Variants in ADGRG5 observed in about 807,000 individuals in gnomAD.
ADGRG5 encodes the protein G protein-coupled receptor 114.
A neutral mutation model predicts 53.2 loss-of-function variants in ADGRG5; 37 were observed. That is an observed-to-expected ratio of 0.70 (90% CI 0.53 to 0.91). The LOEUF (loss-of-function observed/expected upper bound fraction) is 0.91. Ranked by LOEUF, ADGRG5 falls within the 40% of genes least tolerant of loss-of-function variation. The pLI is 0.00. For synonymous variants in ADGRG5, 277 were observed against 290.4 expected (o/e 0.95, Z 0.47); for missense variants, 614 against 675.8 (o/e 0.91, Z 1.01).
chr16:57,569,076 C>G (rs1361403940), intron 9 of ADGRG5, among the ~76,000 whole-genome samples: 1 of 150,888 alleles, frequency 6.6e-6, no homozygotes, highest in African/African-American at 2.4e-5. Context: ...CCTCCACCTT[C>G]ATCACCACCA....
intron 10 of ADGRG5, among the ~76,000 whole-genome samples, chr16:57,572,686 G>T (rs556119189): frequency 2.0e-5 from 3 of 152,174 alleles, no homozygotes; most frequent in Non-Finnish European, 2.9e-5. Context: ...GCGAGACTCC[G>T]TCTCAAAAAA....
At chr16:57,566,133 C>T (rs1276244995) in intron 6 of ADGRG5, 1 of 154,194 alleles carries the variant, frequency 6.5e-6, no homozygotes, top group Non-Finnish European at 1.4e-5. Context: ...CTACCTGTGT[C>T]ATTTCCTCCA....
At chr16:57,552,389 A>G (rs2032776246) in intron 1 of ADGRG5, among the ~76,000 whole-genome samples, 1 of 152,204 alleles carries the variant, frequency 6.6e-6, no homozygotes. Flanking sequence ...ACCCTCATGC[A>G]TGATGTTAGC....
At chr16:57,548,450 A>G (rs1205277852) in intron 1 of ADGRG5, among the ~76,000 whole-genome samples, 1 of 152,162 alleles carries the variant, frequency 6.6e-6, no homozygotes, top group East Asian at 1.9e-4. Context: ...TTCTTTGGTA[A>G]GTATATTTTA....
intron 10 of ADGRG5, among the ~76,000 whole-genome samples, chr16:57,572,255 C>T (rs2033383937): frequency 6.6e-6 from 1 of 152,102 alleles, no homozygotes; most frequent in Admixed American, 6.5e-5. Flanking sequence ...GTAGGCAGAT[C>T]ATGAGGTCAG....
chr16:57,542,070 A>C (rs1351083818), upstream of ADGRG5, among the ~76,000 whole-genome samples: 4 of 152,144 alleles, frequency 2.6e-5, no homozygotes, highest in South Asian at 2.1e-4. Context: ...TGTAAGCCCC[A>C]CACTGCCCTG....
chr16:57,571,353 G>A (rs2146834116), intron 10 of ADGRG5, among the ~76,000 whole-genome samples: 1 of 152,188 alleles, frequency 6.6e-6, no homozygotes, highest in South Asian at 2.1e-4. Flanking sequence ...AACTCTACCT[G>A]AGGAGCCCTA....
intron 3 of ADGRG5, 135 bp from the exon 4 acceptor site, chr16:57,562,956 G>A: frequency 4.0e-6 from 3 of 753,406 alleles, no homozygotes; most frequent in Non-Finnish European, 6.8e-6. Context: ...AGGACACTGT[G>A]TGTGCAGTGG....
At chr16:57,536,156 T>C in the ADGRG5 span, among the ~76,000 whole-genome samples, 3 of 151,702 alleles carry the variant, frequency 2.0e-5, no homozygotes, top group Non-Finnish European at 4.4e-5. Flanking sequence ...GCATTCGCCA[T>C]GGCGACCACG....
At chr16:57,564,312 ATTTTTTT>A (rs5817100) in intron 5 of ADGRG5, among the ~76,000 whole-genome samples, 1 of 139,756 alleles carries the variant, frequency 7.2e-6, no homozygotes, top group Non-Finnish European at 1.6e-5. Context: ...GACCTTACAG[ATTTTTTT>A]TTTTTTTTTT....
In ADGRG5 at chr16:57,542,645, A is replaced by G. The variant is rs1289951930; in HGVS notation, c.-95A>G. 7.7e-6 allele frequency: 1 copy of G among 130,410 alleles called. No individual in the cohort carries two copies. The highest frequency in any genetic ancestry group is 1.6e-5 in the Non-Finnish European group (1 of 60,902). 8.1% of individuals were successfully genotyped at this position (130,410 alleles called of 1,614,324 possible). A position where few individuals can be genotyped will look rare whatever the true frequency, so the allele number is the denominator to read the frequency against. On this transcript the variant is annotated 5_prime_UTR_variant, in exon 1 of 12. Coordinates refer to ENST00000349457, the MANE Select transcript of ADGRG5 (RefSeq NM_001304376.3). ...CCTCCCGACTTCCCCTTCTTCCTGC[A>G]GAAGCTACAAGACAGCAGCCGAGAC...
chr16:57,542,091 C>T (rs1175126547), upstream of ADGRG5, among the ~76,000 whole-genome samples: 1 of 152,212 alleles, frequency 6.6e-6, no homozygotes, highest in African/African-American at 2.4e-5. Context: ...CAAGATGGTA[C>T]TGTCATTATC....
At chr16:57,543,937 C>A (rs1159209041) in intron 1 of ADGRG5, among the ~76,000 whole-genome samples, 1 of 152,132 alleles carries the variant, frequency 6.6e-6, no homozygotes. Context: ...GATGAGAAAA[C>A]CTGAGACACA....
Position 57,566,700 on chromosome 16 carries a change from C to T in ADGRG5, c.648C>T (p.His216=), listed in dbSNP as rs770372722. Residue 216 remains histidine, a synonymous_variant, in exon 7 of 12, where the codon CAC becomes CAT. Coordinates refer to ENST00000349457, the MANE Select transcript of ADGRG5 (RefSeq NM_001304376.3). The part of the protein sequence containing the change: ...PEGCRTEQPS[H]SQVLCRCNHL... ...GCTGTCGTACAGAGCAGCCCTCCCA[C>T]TCTCAGGTGCTCTGCCGCTGCAACC... 3.2e-6 allele frequency: 5 copies of T among 1,584,562 alleles called. No homozygotes were observed. The highest frequency in any genetic ancestry group is 4.3e-6 in the Non-Finnish European group (5 of 1,166,110).
In ADGRG5 at chr16:57,565,019, C is replaced by T. The variant is rs2033098156; in HGVS notation, c.430-15C>T. Reference sequence around the variant, plus strand: ...ATTTCCCCTCCACTCAGCCCTTCTCCTGCTGCCCTTCCAGGATGAAAACAA... The same window carrying T: ...ATTTCCCCTCCACTCAGCCCTTCTCTTGCTGCCCTTCCAGGATGAAAACAA... On this transcript the variant is annotated splice_polypyrimidine_tract_variant and intron_variant, in intron 5 of 11. Coordinates refer to ENST00000349457, the MANE Select transcript of ADGRG5 (RefSeq NM_001304376.3). The T allele has an allele frequency of 1.9e-6, 3 of 1,557,624 alleles. No homozygotes were observed. The highest frequency in any genetic ancestry group is 2.7e-5 in the African/African-American group (2 of 73,892).
chr16:57,571,757 G>A (rs1454916322), intron 10 of ADGRG5, among the ~76,000 whole-genome samples: 2 of 149,776 alleles, frequency 1.3e-5, no homozygotes, highest in East Asian at 4.1e-4. Context: ...CTGGGTTCAA[G>A]CGATTCTCCT....
chr16:57,537,310 C>T, the ADGRG5 span, among the ~76,000 whole-genome samples: 2 of 150,684 alleles, frequency 1.3e-5, no homozygotes, highest in African/African-American at 5.0e-5. Context: ...TGGAAGGCCC[C>T]CGAGGTGAAT....
rs773236823 is a variant in ADGRG5 at position 57,563,965 on chromosome 16, A to C, written c.415A>C (p.Thr139Pro). 11 of 1,612,486 alleles carry C rather than the reference A, an allele frequency of 6.8e-6. No homozygotes were observed. The East Asian group carries it at 2.2e-4, about 33-fold the overall frequency. The change falls in exon 5 of 12, where the codon ACC becomes CCC. Residue 139 changes from threonine to proline, a missense_variant. Transcript: ENST00000349457. ...GCTCATCTGTATCTACTTCTCCAAC[A>C]CCCACTTTTTCAAGGTCAGTGTGAT... ...LRLICIYFSN[T>P]HFFKDENNSS...
upstream of ADGRG5, among the ~76,000 whole-genome samples, chr16:57,538,281 C>G (rs1340056421): frequency 6.6e-6 from 1 of 152,096 alleles, no homozygotes; most frequent in East Asian, 1.9e-4. Context: ...GGTGTTATTA[C>G]CACCCTCTCA....
Sources: gnomAD v4.1 joint callset for allele counts (sites outside exome capture counted in the v4.1 genomes callset) on GRCh38, gnomAD v4.1.1 for gene constraint, MANE v1.5 for transcripts, NCBI Gene and HGNC (gene_info 2026-07-23, HGNC 2026-07-21) for gene names.